The following ATRNL1 variants were observed in gnomAD, a reference collection of about 807,000 sequenced individuals.
ATRNL1 encodes attractin-like protein 1.
ATRNL1 carries 95 observed loss-of-function variants against 182.7 expected under a neutral mutation model. That is an observed-to-expected ratio of 0.52 (90% confidence interval 0.44 to 0.62). ATRNL1 has a LOEUF of 0.62. Among genes scored for constraint, ATRNL1 ranks in the 20% least tolerant of loss-of-function variants. ATRNL1 has a pLI of 0.00. For missense variants in ATRNL1, 1,471 were observed against 1,679.5 expected, an observed-to-expected ratio of 0.88 and a Z score of 2.17; for synonymous variants, 576 against 568.3, an observed-to-expected ratio of 1.01 and a Z score of -0.19.
intron 26 of ATRNL1, among the ~76,000 whole-genome samples, chr10:115,645,935 T>C (rs1555032180): frequency 6.6e-6 from 1 of 151,968 alleles, no homozygotes; most frequent in Non-Finnish European, 1.5e-5. Context: ...AAATTGGTAC[T>C]TGAAACCAGA....
intron 17 of ATRNL1, among the ~76,000 whole-genome samples, chr10:115,302,310 G>C (rs1449919209): frequency 6.6e-6 from 1 of 152,162 alleles, no homozygotes; most frequent in Non-Finnish European, 1.5e-5. Context: ...GTTGCAGACA[G>C]TATAACACTT....
At chr10:115,699,767 G>C (rs559645234) in intron 26 of ATRNL1, among the ~76,000 whole-genome samples, 48 of 152,168 alleles carry the variant, frequency 3.2e-4, no homozygotes, top group South Asian at 2.9e-3. Flanking sequence ...ACTGAGGTTT[G>C]GGATACCATT....
At chr10:115,129,272 C>A in intron 4 of ATRNL1, 55 bp from the exon 5 acceptor site, 1 of 1,426,086 alleles carries the variant, frequency 7.0e-7, no homozygotes. Flanking sequence ...ATGTATCAAC[C>A]AAAATTCTTT....
intron 28 of ATRNL1, among the ~76,000 whole-genome samples, chr10:115,881,300 T>C (rs1033282828): frequency 6.6e-6 from 1 of 152,088 alleles, no homozygotes; most frequent in African/African-American, 2.4e-5. Context: ...TGGCACAGAG[T>C]GGAATCTGCA....
chr10:115,543,848 C>G (rs1554992827), intron 25 of ATRNL1, among the ~76,000 whole-genome samples: 2 of 152,066 alleles, frequency 1.3e-5, no homozygotes, highest in Admixed American at 1.3e-4. Flanking sequence ...TTATGCTTCC[C>G]TTTTTTATTC....
At chr10:115,561,232 C>A (rs782471988) in intron 26 of ATRNL1, among the ~76,000 whole-genome samples, 10 of 152,132 alleles carry the variant, frequency 6.6e-5, no homozygotes, top group Non-Finnish European at 1.3e-4. Context: ...AACACTTTTG[C>A]ATATCATATA....
chr10:115,351,566 A>C (rs1856251421), intron 19 of ATRNL1, among the ~76,000 whole-genome samples: 1 of 152,088 alleles, frequency 6.6e-6, no homozygotes, highest in Non-Finnish European at 1.5e-5. Context: ...TAAATGCGCT[A>C]TGATGTATCA....
At chr10:115,430,572 G>T (rs1178775862) in intron 21 of ATRNL1, among the ~76,000 whole-genome samples, 7 of 152,090 alleles carry the variant, frequency 4.6e-5, no homozygotes, top group Non-Finnish European at 1.0e-4. Context: ...TGCATGTTGT[G>T]GGGGTTTGGT....
Position 115,472,357 on chromosome 10 carries a change from AT to A in ATRNL1, c.3654+3037del, listed in dbSNP as rs541639728. On this transcript the variant is annotated intron_variant, in intron 24 of 28. Transcript: ENST00000355044. ...TTTGTGGTTCCTTTTGAATTTAAAA[AT>A]TTTTTTTTCTATATCTGTGAAAAAT... 4.1e-4 allele frequency among the ~76,000 whole-genome samples: 62 copies of A among 150,612 alleles called. No homozygotes were observed. The South Asian group carries it at 0.011, about 26-fold the overall frequency.
intron 19 of ATRNL1, among the ~76,000 whole-genome samples, chr10:115,359,964 C>T (rs1338918648): frequency 4.0e-5 from 6 of 151,606 alleles, no homozygotes; most frequent in Admixed American, 2.0e-4. Flanking sequence ...TAGCTGTAAG[C>T]GTCCAACTTC....
At chr10:115,220,258 A>G (rs782237498) in intron 9 of ATRNL1, 4 of 152,218 alleles carry the variant, frequency 2.6e-5, no homozygotes, top group Non-Finnish European at 5.9e-5. Context: ...GCTACTAAGA[A>G]TGATGCTCTT....
chr10:115,388,055 G>A (rs535193357), intron 19 of ATRNL1, among the ~76,000 whole-genome samples: 105 of 152,322 alleles, frequency 6.9e-4, no homozygotes, highest in African/African-American at 2.4e-3. Context: ...TTTTGTGAAT[G>A]TTTTATGTGT....
At chr10:115,651,627 A>C (rs187024823) in intron 26 of ATRNL1, among the ~76,000 whole-genome samples, 1 of 152,310 alleles carries the variant, frequency 6.6e-6, no homozygotes, top group East Asian at 1.9e-4. Context: ...GAATTTAAAG[A>C]AAATGAAAAT....
intron 26 of ATRNL1, among the ~76,000 whole-genome samples, chr10:115,726,578 G>C (rs1555060161): frequency 7.2e-5 from 11 of 152,188 alleles, no homozygotes. Flanking sequence ...GCACAGCCCA[G>C]AATAGTCACA....
intron 19 of ATRNL1, among the ~76,000 whole-genome samples, chr10:115,388,467 T>A (rs1256777362): frequency 6.6e-6 from 1 of 152,182 alleles, no homozygotes; most frequent in African/African-American, 2.4e-5. Context: ...ATTCTTATTG[T>A]TTCCATTTGC....
intron 27 of ATRNL1, among the ~76,000 whole-genome samples, chr10:115,741,612 A>G (rs1847980774): frequency 6.6e-6 from 1 of 152,216 alleles, no homozygotes; most frequent in Non-Finnish European, 1.5e-5. Context: ...TCTAGCATCA[A>G]CTGGATTGAA....
intron 1 of ATRNL1, among the ~76,000 whole-genome samples, chr10:115,115,735 G>C (rs1232399089): frequency 6.6e-6 from 1 of 152,044 alleles, no homozygotes; most frequent in East Asian, 1.9e-4. Context: ...TGATAAACAG[G>C]ATTTATTGTT....
At chr10:115,340,999 T>C (rs1309935140) in intron 19 of ATRNL1, among the ~76,000 whole-genome samples, 1 of 151,980 alleles carries the variant, frequency 6.6e-6, no homozygotes. Context: ...TCAGTCTTTT[T>C]TTTATTGTTT....
At chr10:115,403,558 C>T (rs11197202) in intron 20 of ATRNL1, among the ~76,000 whole-genome samples, 1,983 of 151,410 alleles carry the variant, frequency 0.013, 40 homozygotes, top group African/African-American at 0.046. Context: ...TGGGTTCAAG[C>T]GATTCTCATG....
Sources: allele counts gnomAD v4.1 joint callset (sites outside exome capture counted in the v4.1 genomes callset), GRCh38; gene constraint gnomAD v4.1.1; transcripts MANE v1.5; gene names NCBI Gene and HGNC (gene_info 2026-07-23, HGNC 2026-07-21).